Variants in CRYL1 observed in about 807,000 individuals in gnomAD.
The protein encoded by CRYL1 is lambda-crystallin homolog.
A neutral mutation model predicts 36.6 loss-of-function variants in CRYL1; 29 were observed. That is an observed-to-expected ratio of 0.79 (90% CI 0.59 to 1.08). The LOEUF is 1.08. CRYL1 is among the 50% of genes least tolerant of loss of function. The probability of loss-of-function intolerance (pLI) is 0.00; values close to 1 mark genes in which losing one functional copy is unlikely to be tolerated. For synonymous variants in CRYL1, 152 were observed against 151.5 expected, an observed-to-expected ratio of 1.00 and a Z score of -0.02; for missense variants, 411 against 407.9, an observed-to-expected ratio of 1.01 and a Z score of -0.06.
At chr13:20,464,881 CA>C (rs144229956) in intron 3 of CRYL1, among the ~76,000 whole-genome samples, 1 of 152,184 alleles carries the variant, frequency 6.6e-6, no homozygotes, top group African/African-American at 2.4e-5. Flanking sequence ...TCCTTCAGGA[CA>C]AAAACATGCT....
intron 1 of CRYL1, among the ~76,000 whole-genome samples, chr13:20,513,202 A>G (rs1026710122): frequency 6.6e-6 from 1 of 152,196 alleles, no homozygotes; most frequent in African/African-American, 2.4e-5. Context: ...GCCCTGCAGC[A>G]TCTCAGGTAT....
chr13:20,418,235 C>T (rs749241411), intron 5 of CRYL1, among the ~76,000 whole-genome samples: 9 of 152,200 alleles, frequency 5.9e-5, no homozygotes, highest in African/African-American at 7.2e-5. Context: ...AGTGACTGGA[C>T]GCTCTAGCCT....
intron 3 of CRYL1, among the ~76,000 whole-genome samples, chr13:20,485,081 C>T (rs1205433701): frequency 6.6e-6 from 1 of 152,044 alleles, no homozygotes; most frequent in Non-Finnish European, 1.5e-5. Context: ...GCAGTGGCTC[C>T]ATCTCGGCTC....
intron 2 of CRYL1, among the ~76,000 whole-genome samples, chr13:20,507,884 C>G (rs1048432336): frequency 6.6e-6 from 1 of 150,504 alleles, no homozygotes; most frequent in African/African-American, 2.5e-5. Context: ...AGCCACTGCA[C>G]TCCAGCCTGG....
At chr13:20,513,072 T>C (rs945440827) in intron 1 of CRYL1, among the ~76,000 whole-genome samples, 12 of 152,186 alleles carry the variant, frequency 7.9e-5, no homozygotes, top group Admixed American at 7.2e-4. Context: ...GTAGGAATAT[T>C]AGGTATGAAT....
intron 2 of CRYL1, among the ~76,000 whole-genome samples, chr13:20,494,978 G>A (rs762895383): frequency 6.6e-6 from 1 of 152,198 alleles, no homozygotes; most frequent in Admixed American, 6.5e-5. Flanking sequence ...GTGTGGTCCC[G>A]AGGGACGTCC....
At chr13:20,419,645 CA>C (rs1281095635) in intron 5 of CRYL1, among the ~76,000 whole-genome samples, 3 of 152,134 alleles carry the variant, frequency 2.0e-5, no homozygotes, top group Admixed American at 6.5e-5. Context: ...AGACTGGTCT[CA>C]AACTCCTGAC....
intron 2 of CRYL1, among the ~76,000 whole-genome samples, chr13:20,506,106 C>G (rs779542960): frequency 2.0e-5 from 3 of 152,074 alleles, no homozygotes; most frequent in Non-Finnish European, 4.4e-5. Context: ...GACTAAGAAT[C>G]CAGTACTTCC....
intron 6 of CRYL1, among the ~76,000 whole-genome samples, chr13:20,409,585 G>A (rs1363351241): frequency 1.3e-5 from 2 of 151,622 alleles, no homozygotes; most frequent in Non-Finnish European, 2.9e-5. Context: ...TACCATCAGA[G>A]TGAACAGGCA....
Position 20,439,642 on chromosome 13 carries a change from T to G in CRYL1, c.389A>C (p.Lys130Thr), listed in dbSNP as rs2032311401. Residue 130 changes from lysine to threonine, a missense_variant, in exon 4 of 8, where the codon AAG becomes ACG. Lys to Thr is a moderately conservative substitution (Grantham distance 78, BLOSUM62 -1). Transcript: ENST00000298248. ...CACATGGACCAAGCCAGCAAACAAC[T>G]TGGAAGGCATGAGACAAGAAGTGGA... is the stretch of plus-strand genomic sequence containing the variant. ...SSSTSCLMPS[K>T]LFAGLVHVKQ... 2.5e-6 allele frequency: 4 copies of G among 1,613,616 alleles called. No homozygotes were observed. In the African/African-American group the frequency reaches 5.3e-5, roughly 22 times the overall value.
intron 3 of CRYL1, among the ~76,000 whole-genome samples, chr13:20,474,994 C>T (rs903964953): frequency 1.3e-5 from 2 of 152,192 alleles, no homozygotes; most frequent in African/African-American, 4.8e-5. Context: ...AACAGCCCAG[C>T]ATCTGGACCC....
chr13:20,506,275 T>C (rs1046405028), intron 2 of CRYL1, among the ~76,000 whole-genome samples: 1 of 152,154 alleles, frequency 6.6e-6, no homozygotes, highest in East Asian at 1.9e-4. Context: ...CTTAAATGTG[T>C]GTGTTATAAA....
At chr13:20,504,030 C>T (rs1334240805) in intron 2 of CRYL1, among the ~76,000 whole-genome samples, 2 of 152,062 alleles carry the variant, frequency 1.3e-5, no homozygotes, top group African/African-American at 2.4e-5. Context: ...AAACCAAGAT[C>T]GAAGCGTACA....
In CRYL1 at chr13:20,525,289, A is replaced by T. The variant is rs1275457044; in HGVS notation, c.41+465T>A. 6.6e-6 allele frequency among the ~76,000 whole-genome samples: 1 copy of T among 152,146 alleles called. No homozygotes were observed. The highest frequency in any genetic ancestry group is 2.4e-5 in the African/African-American group (1 of 41,422). ...CTGCTGGGCTAGTCCTGTCTCCGTCACTAAACGCCTGTGACCTTAGGTAAA... is the reference window on the plus strand; with the variant it reads ...CTGCTGGGCTAGTCCTGTCTCCGTCTCTAAACGCCTGTGACCTTAGGTAAA... On this transcript the variant is annotated intron_variant, in intron 1 of 7. Transcript: ENST00000298248. The surrounding 1 kb of genome is among the most constrained non-coding windows in gnomAD (Gnocchi z 4.3).
Position 20,489,422 on chromosome 13 carries a change from A to G in CRYL1, c.224T>C (p.Ile75Thr), listed in dbSNP as rs1270744293. The change falls in exon 3 of 8, where the codon ATC becomes ACC. Residue 75 changes from isoleucine to threonine, a missense_variant. Transcript: ENST00000298248. ...TTCTTGGATATTGGGACAACCACTG[A>G]TGAGTGACAGCTGCTCTTCCACACT... ...SLSVEEQLSL[I>T]SGCPNIQEAV... The G allele has an allele frequency of 6.2e-7, 1 of 1,613,704 alleles. No individual in the cohort carries two copies.
At chr13:20,522,492 GCCC>G (rs2034112728) in intron 1 of CRYL1, among the ~76,000 whole-genome samples, 1 of 152,156 alleles carries the variant, frequency 6.6e-6, no homozygotes, top group Non-Finnish European at 1.5e-5. Context: ...GTCCTACCAA[GCCC>G]TTCATAGGGC....
chr13:20,420,954 C>T (rs1393655467), intron 5 of CRYL1, among the ~76,000 whole-genome samples: 3 of 151,870 alleles, frequency 2.0e-5, no homozygotes, highest in South Asian at 2.1e-4. Context: ...AGGATGGTCT[C>T]GATCTCCTGA....
In CRYL1 at chr13:20,512,478, C is replaced by A. The variant is rs778380700; in HGVS notation, c.114G>T (p.Glu38Asp). The change falls in exon 2 of 8, where the codon GAG becomes GAT. Residue 38 changes from glutamate (E) to aspartate (D), a missense_variant. Coordinates refer to ENST00000298248, the MANE Select transcript of CRYL1 (RefSeq NM_015974.3). Reference sequence around the variant, plus strand: ...CCAGGGCGTTCCTTATCTGCTGTTGCTCAATGTCATAGAGTTTCACCTGGA... The same window carrying A: ...CCAGGGCGTTCCTTATCTGCTGTTGATCAATGTCATAGAGTTTCACCTGGA... ...GGFQVKLYDI[E>D]QQQIRNALEN... 1 of 1,614,094 alleles carries A rather than the reference C, an allele frequency of 6.2e-7. No individual in the cohort carries two copies. The highest frequency in any genetic ancestry group is 2.2e-5 in the East Asian group (1 of 44,886).
In CRYL1 at chr13:20,441,495, C is replaced by T. The variant is rs1038763722; in HGVS notation, c.277-1741G>A. Among the ~76,000 whole-genome samples the T allele has an allele frequency of 2.6e-5, 4 of 152,122 alleles. No individual in the cohort carries two copies. In the South Asian group the frequency reaches 6.2e-4, roughly 24 times the overall value. ...CTCAGGGATAAACAAGGTGCCCTGA[C>T]GGGAAATGGGAAGTATATTAGCACT... is the stretch of plus-strand genomic sequence containing the variant. On this transcript the variant is annotated intron_variant, in intron 3 of 7. Transcript: ENST00000298248.
Sources: gnomAD v4.1 joint callset for allele counts (sites outside exome capture counted in the v4.1 genomes callset) on GRCh38, gnomAD v4.1.1 for gene constraint, Gnocchi (gnomAD v3.1) non-coding constraint, MANE v1.5 for transcripts, NCBI Gene and HGNC (gene_info 2026-07-23, HGNC 2026-07-21) for gene names.